ROBO1: variants seen among roughly 807,000 people sequenced by gnomAD.
ROBO1 encodes roundabout homolog 1.
In ROBO1, 149 loss-of-function variants were observed where a neutral mutation model predicts 195.9. The observed-to-expected ratio is 0.76, with a 90% CI of 0.67 to 0.87. ROBO1 has a LOEUF of 0.87. Ranked by LOEUF, ROBO1 falls within the 40% of genes least tolerant of loss-of-function variation. The pLI is 0.00. For missense variants in ROBO1, 1,933 were observed against 2,068.3 expected, an observed-to-expected ratio of 0.93 and a Z score of 1.27; for synonymous variants, 816 against 733.2, an observed-to-expected ratio of 1.11 and a Z score of -1.82.
intron 8 of ROBO1, among the ~76,000 whole-genome samples, chr3:78,700,851 C>T (rs1400444501): frequency 6.6e-6 from 1 of 151,776 alleles, no homozygotes; most frequent in East Asian, 1.9e-4. Flanking sequence ...GCAACCTCCA[C>T]CTCCCGGGTT....
intron 2 of ROBO1, among the ~76,000 whole-genome samples, chr3:79,136,513 G>T (rs892835498): frequency 6.6e-6 from 1 of 152,100 alleles, no homozygotes; most frequent in Non-Finnish European, 1.5e-5. Context: ...TGAGAATTGT[G>T]TTCTACAAAT....
chr3:78,858,401 G>A (rs764577649), intron 4 of ROBO1, among the ~76,000 whole-genome samples: 2 of 151,964 alleles, frequency 1.3e-5, no homozygotes, highest in Non-Finnish European at 2.9e-5. Flanking sequence ...ATGAATCAGT[G>A]TTGGCCAGTC....
chr3:79,735,870 C>CAAAAAAAAAAAAA (rs1220855864), intron 1 of ROBO1, among the ~76,000 whole-genome samples: 1 of 70,778 alleles, frequency 1.4e-5, no homozygotes, highest in African/African-American at 5.7e-5. Context: ...GACTCCGTCT[C>CAAAAAAAAAAAAA]AAAAAAAAAA....
chr3:79,354,864 A>T (rs1293297966), intron 2 of ROBO1, among the ~76,000 whole-genome samples: 1 of 152,154 alleles, frequency 6.6e-6, no homozygotes, highest in African/African-American at 2.4e-5. Context: ...TTAGCATATA[A>T]ATCTTAGAAA....
At chr3:79,047,924 G>T (rs2078625220) in intron 3 of ROBO1, among the ~76,000 whole-genome samples, 1 of 152,078 alleles carries the variant, frequency 6.6e-6, no homozygotes. Flanking sequence ...TATGTCTACT[G>T]CCAAAGGAAA....
intron 2 of ROBO1, among the ~76,000 whole-genome samples, chr3:79,459,666 T>C (rs2039735671): frequency 1.3e-5 from 2 of 152,086 alleles, no homozygotes; most frequent in Non-Finnish European, 2.9e-5. Flanking sequence ...TTTCAGACAA[T>C]GGAAAACTGT....
At chr3:78,784,519 A>T (rs140098539) in intron 4 of ROBO1, among the ~76,000 whole-genome samples, 189 of 152,312 alleles carry the variant, frequency 1.2e-3, no homozygotes, top group African/African-American at 4.5e-3. Context: ...CATGGTTACT[A>T]CATGCCTGTA....
chr3:79,157,900 GC>G (rs1412918339), intron 2 of ROBO1, among the ~76,000 whole-genome samples: 1 of 151,806 alleles, frequency 6.6e-6, no homozygotes, highest in East Asian at 1.9e-4. Context: ...TGTGGATTAT[GC>G]TCCTTATCAG....
intron 2 of ROBO1, among the ~76,000 whole-genome samples, chr3:79,348,495 G>A (rs895624344): frequency 1.3e-5 from 2 of 152,054 alleles, no homozygotes; most frequent in African/African-American, 4.8e-5. Flanking sequence ...GGGCAGGCAA[G>A]GAAACACAAC....
In ROBO1 at chr3:78,617,669, C is replaced by A; in HGVS notation, c.4248G>T (p.Leu1416=). Residue 1416 remains leucine, a synonymous_variant, in exon 27 of 31, where the codon CTG becomes CTT. Coordinates refer to ENST00000464233, the MANE Select transcript of ROBO1 (RefSeq NM_002941.4). ...CCTGCATTTGCCGTCGTGCTACTTT[C>A]AGACCAGCATACTCTGCCGCTGCTG... ...AVAAAAEYAG[L]KVARRQMQDA... is the part of the protein sequence containing the mutation. The A allele has an allele frequency of 6.2e-7, 1 of 1,613,526 alleles. No homozygotes were observed. The highest frequency in any genetic ancestry group is 8.5e-7 in the Non-Finnish European group (1 of 1,179,640).
rs185808213 is a variant in ROBO1, at chr3:79,129,820, C to A, written c.89-4281G>T. 4.3e-4 allele frequency among the ~76,000 whole-genome samples: 65 copies of A among 151,374 alleles called. 1 individual carries two copies. In the East Asian group the frequency reaches 0.011, roughly 26 times the overall value. ...AGGGTTTTTATGGTTTTAGGTCTAA[C>A]GTTTAAATCTTTAATCCATCTTGAA... On this transcript the variant is annotated intron_variant, in intron 2 of 30. Transcript: ENST00000464233.
intron 1 of ROBO1, among the ~76,000 whole-genome samples, chr3:79,628,477 C>T (rs745395226): frequency 6.6e-6 from 1 of 152,066 alleles, no homozygotes; most frequent in Non-Finnish European, 1.5e-5. Context: ...ACATCAGGGC[C>T]TGTTGGGGGA....
Position 79,382,288 on chromosome 3 carries a change from C to T in ROBO1, c.88+207536G>A, listed in dbSNP as rs548711972. On this transcript the variant is annotated intron_variant, in intron 2 of 30. Coordinates refer to ENST00000464233, the MANE Select transcript of ROBO1 (RefSeq NM_002941.4). Reference sequence around the variant, plus strand: ...ACTTAATTTTTATAAACCTACTGTACAACTTATAATGTAAAAATCTAGCAA... The same window carrying T: ...ACTTAATTTTTATAAACCTACTGTATAACTTATAATGTAAAAATCTAGCAA... Among the ~76,000 whole-genome samples the T allele has an allele frequency of 8.5e-4, 130 of 152,092 alleles. No individual in the cohort carries two copies. The Middle Eastern group carries it at 0.014, about 16-fold the overall frequency.
intron 5 of ROBO1, among the ~76,000 whole-genome samples, chr3:78,736,084 T>C (rs562383232): frequency 6.6e-6 from 1 of 152,156 alleles, no homozygotes; most frequent in Non-Finnish European, 1.5e-5. Flanking sequence ...AAAAAAATCA[T>C]GTTTTAGAAA....
At chr3:79,535,696 T>C (rs2107624958) in intron 2 of ROBO1, among the ~76,000 whole-genome samples, 1 of 152,228 alleles carries the variant, frequency 6.6e-6, no homozygotes, top group Non-Finnish European at 1.5e-5. Context: ...TAAAATAGAT[T>C]GAGGAGATTT....
intron 1 of ROBO1, among the ~76,000 whole-genome samples, chr3:79,661,216 G>T (rs942985443): frequency 5.3e-5 from 8 of 151,968 alleles, no homozygotes; most frequent in African/African-American, 1.9e-4. Flanking sequence ...TCCACTCCAT[G>T]GTAGATCATG....
intron 28 of ROBO1, among the ~76,000 whole-genome samples, chr3:78,614,437 T>C (rs1703984669): frequency 1.3e-5 from 2 of 152,206 alleles, no homozygotes. Flanking sequence ...ATGGTTTTGT[T>C]TTTTTAAATA....
At chr3:79,507,800 T>C (rs192830787) in intron 2 of ROBO1, 1 of 154,728 alleles carries the variant, frequency 6.5e-6, no homozygotes. Context: ...AAAATTCATA[T>C]GTTGAAGTCC....
chr3:79,677,185 A>G (rs890904128), intron 1 of ROBO1, among the ~76,000 whole-genome samples: 5 of 151,950 alleles, frequency 3.3e-5, no homozygotes, highest in African/African-American at 1.2e-4. Flanking sequence ...TGTCAGTTCC[A>G]TAATTAAACT....
Sources: allele counts gnomAD v4.1 joint callset (sites outside exome capture counted in the v4.1 genomes callset), GRCh38; gene constraint gnomAD v4.1.1; transcripts MANE v1.5; gene names NCBI Gene and HGNC (gene_info 2026-07-23, HGNC 2026-07-21).